Variants in GGTLC1 observed in about 807,000 individuals in gnomAD.
GGTLC1 encodes gamma-glutamyltransferase light chain 1, also known as glutathione hydrolase light chain 1.
GGTLC1 carries 14 observed loss-of-function variants against 19.5 expected under a neutral mutation model. The ratio of observed to expected loss-of-function variants is 0.72; its 90% CI spans 0.47 to 1.12. The LOEUF (loss-of-function observed/expected upper bound fraction) is 1.12. Among genes scored for constraint, GGTLC1 ranks in the 50% most tolerant of loss-of-function variants. GGTLC1 has a pLI of 0.00. For synonymous variants in GGTLC1, 110 were observed against 124.2 expected, an observed-to-expected ratio of 0.89 and a Z score of 0.76; for missense variants, 304 against 309.2, an observed-to-expected ratio of 0.98 and a Z score of 0.13.
chr20:23,987,282 G>A (rs540040931), intron 1 of GGTLC1, among the ~76,000 whole-genome samples: 1 of 152,240 alleles, frequency 6.6e-6, no homozygotes, highest in Non-Finnish European at 1.5e-5. Context: ...TGCCATGCAG[G>A]CTTAGGGCAG....
Position 23,985,245 on chromosome 20 carries a change from TGGA to T in GGTLC1, c.646_648del (p.Ser216del). On this transcript the variant is annotated inframe_deletion, in exon 6 of 6. Coordinates refer to ENST00000335694, the MANE Select transcript of GGTLC1 (RefSeq NM_178311.3). ...TAGCCAGCAGGTTCCCCACCTTTCC[TGGA>T]GTCCGAGGCAGCTGCCCAGCCACCA... 2 of 1,612,066 alleles carry T rather than the reference TGGA, an allele frequency of 1.2e-6. No homozygotes were observed. The highest frequency in any genetic ancestry group is 2.2e-5 in the South Asian group (2 of 90,994).
chr20:23,987,657 G>C (rs1184348036), intron 1 of GGTLC1, among the ~76,000 whole-genome samples: 1 of 152,004 alleles, frequency 6.6e-6, no homozygotes, highest in Non-Finnish European at 1.5e-5. Context: ...AGGTCCCCAA[G>C]GCAGTGGCGA....
chr20:23,985,455 C>T, intron 5 of GGTLC1, 93 bp from the exon 6 acceptor site: 7 of 1,608,108 alleles, frequency 4.4e-6, no homozygotes, highest in Non-Finnish European at 5.9e-6. Flanking sequence ...CAGGTGGTGC[C>T]ATTTCAGGCC....
chr20:23,986,395 C>G (rs768626540), intron 2 of GGTLC1, 41 bp downstream of exon 2: 1 of 1,607,740 alleles, frequency 6.2e-7, no homozygotes. Context: ...GAGCCACCCT[C>G]CCCTGGCCCT....
At position 23,986,600 on chromosome 20, in the gene GGTLC1, C is replaced by T. The variant is rs1322981494; in HGVS notation, c.12G>A (p.Glu4=). The stretch of plus-strand genomic sequence containing the variant: ...GGGCCCGGAGCTGGGCAGAGAAGAA[C>T]TCGGAGGTCATGTCGCGGACCACCT... MTS[E]FFSAQLRAQI... Residue 4 remains glutamate, a synonymous_variant, in exon 2 of 6, where the codon GAG becomes GAA. Coordinates refer to ENST00000335694, the MANE Select transcript of GGTLC1 (RefSeq NM_178311.3). The T allele has an allele frequency of 1.3e-6, 2 of 1,544,176 alleles. No individual in the cohort carries two copies. Among genetic ancestry groups the T allele is most frequent in the African/African-American group, 1.4e-5 (1 of 72,310 alleles).
chr20:23,988,045 C>A (rs1244943928), intron 1 of GGTLC1, among the ~76,000 whole-genome samples: 9 of 54,796 alleles, frequency 1.6e-4, no homozygotes, highest in Non-Finnish European at 2.4e-4. Flanking sequence ...GACTCCATCT[C>A]AAAAAAAAAA....
chr20:23,987,703 G>A (rs559005886), intron 1 of GGTLC1, among the ~76,000 whole-genome samples: 1 of 151,922 alleles, frequency 6.6e-6, no homozygotes, highest in East Asian at 2.0e-4. Context: ...AGACAGAGAG[G>A]ATGGACCCGA....
At chr20:23,987,324 G>T (rs1428700041) in intron 1 of GGTLC1, among the ~76,000 whole-genome samples, 1 of 152,190 alleles carries the variant, frequency 6.6e-6, no homozygotes, top group African/African-American at 2.4e-5. Context: ...TGTTTTCACA[G>T]GGTCCCTCTG....
rs916383577 is a variant in GGTLC1, at chr20:23,985,341, T to C, written c.553A>G (p.Thr185Ala). The change falls in exon 6 of 6, where the codon ACC becomes GCC. Residue 185 changes from threonine to alanine, a missense_variant. Coordinates refer to ENST00000335694, the MANE Select transcript of GGTLC1 (RefSeq NM_178311.3). Reference sequence around the variant, plus strand: ...GTGATCTGGGTGTGATGGTGCCGGGTCTCCAGGGCTGCAGTCACTTCCTGG... The same window carrying C: ...GTGATCTGGGTGTGATGGTGCCGGGCCTCCAGGGCTGCAGTCACTTCCTGG... ...IDQEVTAALE[T>A]RHHHTQITST... 1 of 1,611,746 alleles carries C rather than the reference T, an allele frequency of 6.2e-7. No individual in the cohort carries two copies. Among genetic ancestry groups the C allele is most frequent in the Admixed American group, 1.7e-5 (1 of 60,016 alleles).
At chr20:23,988,554 C>G (rs1441280626) in intron 1 of GGTLC1, 55 bp downstream of exon 1, 13 of 942,406 alleles carry the variant, frequency 1.4e-5, no homozygotes, top group Non-Finnish European at 1.7e-5. Context: ...GTACCTATTG[C>G]ATGACCCCCC....
Position 23,987,373 on chromosome 20 carries a change from G to A in GGTLC1, c.-34-728C>T, listed in dbSNP as rs565261157. The stretch of plus-strand genomic sequence containing the variant: ...GGATAAGGATAAAGTCCAAAGGGGA[G>A]GCTGTGGGTATCAACCAGGCAAGAG... On this transcript the variant is annotated intron_variant, in intron 1 of 5. Transcript: ENST00000335694. Among the ~76,000 whole-genome samples, 7 of 152,260 alleles carry A rather than the reference G, an allele frequency of 4.6e-5. No homozygotes were observed. The South Asian group carries it at 1.5e-3, about 32-fold the overall frequency.
In GGTLC1 at chr20:23,986,099, G is replaced by A. The variant is rs754208442; in HGVS notation, c.281C>T (p.Ser94Leu). 2.5e-6 allele frequency: 4 copies of A among 1,613,746 alleles called. No homozygotes were observed. Among genetic ancestry groups the A allele is most frequent in the Non-Finnish European group, 2.5e-6 (3 of 1,179,842 alleles). The change falls in exon 3 of 6, where the codon TCA becomes TTA. Residue 94 changes from serine (S) to leucine (L), a missense_variant. Ser to Leu is a moderately radical substitution (Grantham distance 145). Coordinates refer to ENST00000335694, the MANE Select transcript of GGTLC1 (RefSeq NM_178311.3). ...SITNEFGVPP[S>L]PANFIQPGKQ... ...ACCTGGCTGGATGAAATTGGCAGGT[G>A]AGGGGGGTACCCCAAACTCGTTGGT...
intron 4 of GGTLC1, 38 bp downstream of exon 4, chr20:23,985,824 G>A (rs763823931): frequency 1.2e-6 from 2 of 1,612,040 alleles, no homozygotes; most frequent in Non-Finnish European, 1.7e-6. Flanking sequence ...GGGCTGTGCA[G>A]GGTGGGCACG....
rs768387221 is a variant in GGTLC1, at chr20:23,985,844, A to G, written c.417+18T>C. 1.9e-6 allele frequency: 3 copies of G among 1,612,006 alleles called. No individual in the cohort carries two copies. The South Asian group carries it at 3.3e-5, about 18-fold the overall frequency. On this transcript the variant is annotated intron_variant, in intron 4 of 5. Coordinates refer to ENST00000335694, the MANE Select transcript of GGTLC1 (RefSeq NM_178311.3). Reference sequence around the variant, plus strand: ...GTGCAGGGTGGGCACGGCCAGGGAGAAAAGGTGTGACACATACCAGTGCAG... The same window carrying G: ...GTGCAGGGTGGGCACGGCCAGGGAGGAAAGGTGTGACACATACCAGTGCAG...
Position 23,986,572 on chromosome 20 carries a change from T to G in GGTLC1, c.40A>C (p.Ile14Leu), listed in dbSNP as rs772703971. The change falls in exon 2 of 6, where the codon ATC becomes CTC. Residue 14 changes from isoleucine to leucine, a missense_variant. By Grantham distance (5) the Ile-to-Leu change is conservative. Transcript: ENST00000335694. ...ATCGGGTGAGTGGTGTCGTCAGAGA[T>G]CTGGGCCCGGAGCTGGGCAGAGAAG... The part of the protein sequence containing the change: ...EFFSAQLRAQ[I>L]SDDTTHPISY... 1.2e-6 allele frequency: 2 copies of G among 1,606,152 alleles called. No individual in the cohort carries two copies. Among genetic ancestry groups the G allele is most frequent in the Admixed American group, 3.3e-5 (2 of 59,744 alleles).
At chr20:23,986,769 C>T (rs1987951710) in intron 1 of GGTLC1, 124 bp from the exon 2 acceptor site, 15 of 1,431,962 alleles carry the variant, frequency 1.0e-5, no homozygotes, top group Non-Finnish European at 1.4e-5. Context: ...CAAGGGCAGG[C>T]CCAGGACCTT....
At position 23,988,653 on chromosome 20, in the gene GGTLC1, C is replaced by G. The variant is rs1988096481; in HGVS notation, c.-79G>C. On this transcript the variant is annotated 5_prime_UTR_variant, in exon 1 of 6. Transcript: ENST00000335694. Reference sequence around the variant, plus strand: ...CGTTAAGCTCACTCTGTCACCGGCGCCATTAAGTGCTCACGCGCCCACTCC... The same window carrying G: ...CGTTAAGCTCACTCTGTCACCGGCGGCATTAAGTGCTCACGCGCCCACTCC... 8.0e-6 allele frequency: 4 copies of G among 496,928 alleles called. No individual in the cohort carries two copies. The South Asian group carries it at 1.9e-4, about 23-fold the overall frequency. The allele number at this position is 496,928 out of a possible 1,614,324, so 30.8% of individuals were successfully genotyped here.
chr20:23,986,934 G>A, intron 1 of GGTLC1: 4 of 802,264 alleles, frequency 5.0e-6, no homozygotes, highest in Non-Finnish European at 5.4e-6. Flanking sequence ...CTGGCACTGG[G>A]GAATCAATAG....
intron 1 of GGTLC1, 115 bp from the exon 2 acceptor site, chr20:23,986,760 A>G: frequency 6.9e-7 from 1 of 1,450,352 alleles, no homozygotes; most frequent in South Asian, 1.4e-5. Context: ...CCCAGGACCC[A>G]AGGGCAGGCC....
Sources: gnomAD v4.1 joint callset for allele counts (sites outside exome capture counted in the v4.1 genomes callset) on GRCh38, gnomAD v4.1.1 for gene constraint, MANE v1.5 for transcripts, NCBI Gene and HGNC (gene_info 2026-07-23, HGNC 2026-07-21) for gene names.